SAMD3: variants seen among roughly 807,000 people sequenced by gnomAD.
The protein encoded by SAMD3 is sterile alpha motif domain-containing protein 3.
In SAMD3, 63 loss-of-function variants were observed where a neutral mutation model predicts 58.5. That is an observed-to-expected ratio of 1.08 (90% CI 0.88 to 1.33). The LOEUF (loss-of-function observed/expected upper bound fraction) is 1.33. Ranked by LOEUF, SAMD3 falls within the 40% of genes most tolerant of loss-of-function variation. SAMD3 has a pLI of 0.00. For missense variants in SAMD3, 604 were observed against 608.4 expected (o/e 0.99, Z 0.08); for synonymous variants, 220 against 210.3 (o/e 1.05, Z -0.40).
chr6:130,363,338 CATTCTT>C (rs1778039380), intron 1 of SAMD3, among the ~76,000 whole-genome samples: 1 of 152,166 alleles, frequency 6.6e-6, no homozygotes, highest in Admixed American at 6.5e-5. Flanking sequence ...TAAGAATACT[CATTCTT>C]TTTCATTTCA....
At chr6:130,356,236 T>C (rs1777822350) in intron 1 of SAMD3, among the ~76,000 whole-genome samples, 1 of 152,140 alleles carries the variant, frequency 6.6e-6, no homozygotes, top group South Asian at 2.1e-4. Flanking sequence ...TTCACCCTTT[T>C]CCTCATCTTC....
intron 2 of SAMD3, among the ~76,000 whole-genome samples, chr6:130,260,055 C>T (rs542650617): frequency 6.6e-6 from 1 of 152,256 alleles, no homozygotes; most frequent in South Asian, 2.1e-4. Flanking sequence ...TCTTAGAGTC[C>T]TTTCTATATC....
At chr6:130,240,969 G>A (rs1212831248) in intron 2 of SAMD3, among the ~76,000 whole-genome samples, 1 of 152,068 alleles carries the variant, frequency 6.6e-6, no homozygotes, top group Non-Finnish European at 1.5e-5. Context: ...CCTTCTACTA[G>A]TAATACCACC....
intron 3 of SAMD3, among the ~76,000 whole-genome samples, chr6:130,214,769 A>G (rs2114848407): frequency 6.6e-6 from 1 of 152,126 alleles, no homozygotes; most frequent in African/African-American, 2.4e-5. Context: ...CTACATTAAC[A>G]CCCTTCTCAT....
At chr6:130,182,400 C>G (rs1002872507) in intron 7 of SAMD3, among the ~76,000 whole-genome samples, 1 of 152,074 alleles carries the variant, frequency 6.6e-6, no homozygotes, top group African/African-American at 2.4e-5. Flanking sequence ...TTTTTCCAGA[C>G]ATGGTATACA....
chr6:130,248,182 G>C (rs1297432659), intron 2 of SAMD3, among the ~76,000 whole-genome samples: 1 of 40,976 alleles, frequency 2.4e-5, no homozygotes, highest in Admixed American at 2.8e-4. Flanking sequence ...TGTTTTGCGT[G>C]TGTGTGTGTG....
intron 2 of SAMD3, among the ~76,000 whole-genome samples, chr6:130,246,035 GC>G (rs1444941697): frequency 6.6e-6 from 1 of 152,126 alleles, no homozygotes; most frequent in African/African-American, 2.4e-5. Context: ...TGAGTTAGCT[GC>G]CCACTTAACA....
chr6:130,276,760 A>G (rs1439267519), intron 2 of SAMD3, among the ~76,000 whole-genome samples: 2 of 152,090 alleles, frequency 1.3e-5, no homozygotes, highest in African/African-American at 4.8e-5. Context: ...CAAGTAGAAG[A>G]CAGGAATTCA....
At chr6:130,157,677 A>C (rs1789915683) in intron 8 of SAMD3, among the ~76,000 whole-genome samples, 1 of 152,216 alleles carries the variant, frequency 6.6e-6, no homozygotes, top group Non-Finnish European at 1.5e-5. Flanking sequence ...TAAAATCAGA[A>C]GCAACACAAA....
intron 2 of SAMD3, among the ~76,000 whole-genome samples, chr6:130,273,249 A>G (rs1189061329): frequency 2.6e-5 from 4 of 152,074 alleles, no homozygotes; most frequent in African/African-American, 9.7e-5. Flanking sequence ...ACCTTTTATC[A>G]TTATATAATG....
intron 2 of SAMD3, among the ~76,000 whole-genome samples, chr6:130,268,005 A>C (rs2114932324): frequency 6.6e-6 from 1 of 152,306 alleles, no homozygotes; most frequent in South Asian, 2.1e-4. Context: ...ACAATGAAGC[A>C]GAAAAATTCC....
intron 3 of SAMD3, among the ~76,000 whole-genome samples, chr6:130,214,898 C>T (rs1795899446): frequency 6.6e-6 from 1 of 152,170 alleles, no homozygotes; most frequent in South Asian, 2.1e-4. Flanking sequence ...AAAATACATA[C>T]TGTATTACTT....
At chr6:130,303,112 G>A (rs562110980) in intron 2 of SAMD3, among the ~76,000 whole-genome samples, 10 of 152,266 alleles carry the variant, frequency 6.6e-5, no homozygotes, top group Admixed American at 2.6e-4. Flanking sequence ...GTGATCGACT[G>A]TGTGCCTGCC....
intron 2 of SAMD3, among the ~76,000 whole-genome samples, chr6:130,308,438 C>CTATTCTATTA (rs1562513318): frequency 2.9e-5 from 4 of 138,136 alleles, no homozygotes; most frequent in Non-Finnish European, 6.4e-5. Flanking sequence ...CTATTCTATT[C>CTATTCTATTA]TTTTGTGTGT....
At chr6:130,287,869 C>T (rs141135027) in intron 2 of SAMD3, among the ~76,000 whole-genome samples, 5 of 151,112 alleles carry the variant, frequency 3.3e-5, no homozygotes, top group Non-Finnish European at 7.4e-5. Context: ...CGCTTGAACC[C>T]GGGAGGCGGA....
At chr6:130,213,862 G>A (rs1795790873) in intron 4 of SAMD3, among the ~76,000 whole-genome samples, 1 of 152,052 alleles carries the variant, frequency 6.6e-6, no homozygotes, top group Admixed American at 6.6e-5. Flanking sequence ...TGACAATAAC[G>A]TGTTTAGCAA....
chr6:130,207,917 G>A (rs1207515707), intron 5 of SAMD3, among the ~76,000 whole-genome samples: 1 of 152,164 alleles, frequency 6.6e-6, no homozygotes, highest in Admixed American at 6.5e-5. Flanking sequence ...TCATCAAAGG[G>A]GCTGCTCTTC....
intron 2 of SAMD3, among the ~76,000 whole-genome samples, chr6:130,248,610 T>G (rs1773636808): frequency 6.6e-6 from 1 of 152,130 alleles, no homozygotes; most frequent in Non-Finnish European, 1.5e-5. Flanking sequence ...GTCCATCCCC[T>G]AGGTCCTTGC....
intron 8 of SAMD3, chr6:130,159,456 C>A (rs1790086532): frequency 6.6e-6 from 1 of 152,250 alleles, no homozygotes; most frequent in Non-Finnish European, 1.5e-5. Flanking sequence ...ATCTGCCACA[C>A]AGAGGCGGGT....
Sources: allele counts gnomAD v4.1 joint callset (sites outside exome capture counted in the v4.1 genomes callset), GRCh38; gene constraint gnomAD v4.1.1; transcripts MANE v1.5; gene names NCBI Gene and HGNC (gene_info 2026-07-23, HGNC 2026-07-21).